AK4: variants seen among roughly 807,000 people sequenced by gnomAD.
AK4 encodes adenylate kinase 4, mitochondrial.
A neutral mutation model predicts 24.6 loss-of-function variants in AK4; 13 were observed. That is an observed-to-expected ratio of 0.53 (90% CI 0.34 to 0.84). The LOEUF (loss-of-function observed/expected upper bound fraction) is 0.84. AK4 is among the 40% of genes least tolerant of loss of function. The pLI is 0.01. For synonymous variants in AK4, 88 were observed against 107.0 expected, an observed-to-expected ratio of 0.82 and a Z score of 1.10; for missense variants, 192 against 288.2, an observed-to-expected ratio of 0.67 and a Z score of 2.42.
chr1:65,182,361 G>A (rs369525954), intron 1 of AK4, among the ~76,000 whole-genome samples: 11 of 152,130 alleles, frequency 7.2e-5, no homozygotes, highest in African/African-American at 2.7e-4. Flanking sequence ...TGGAATCGAG[G>A]TGATGATCTG....
At position 65,207,361 on chromosome 1, in the gene AK4, A is replaced by G. The variant is rs151243482; in HGVS notation, c.266-11393A>G. Reference sequence around the variant, plus strand: ...CTTTGGGGTCTTTTTCTATTAACCTATAAGCTTCCTGAGGGCAGGACCCAC... The same window carrying G: ...CTTTGGGGTCTTTTTCTATTAACCTGTAAGCTTCCTGAGGGCAGGACCCAC... On this transcript the variant is annotated intron_variant, in intron 2 of 4. Coordinates refer to ENST00000327299, the MANE Select transcript of AK4 (RefSeq NM_013410.4). 3.7e-3 allele frequency among the ~76,000 whole-genome samples: 556 copies of G among 152,034 alleles called. 4 individuals are homozygous for G. The highest frequency in any genetic ancestry group is 0.013 in the African/African-American group (528 of 41,470).
chr1:65,170,387 C>CAA (rs141885156), intron 1 of AK4, among the ~76,000 whole-genome samples: 12 of 147,098 alleles, frequency 8.2e-5, no homozygotes, highest in Admixed American at 1.3e-4. Context: ...CACACACACA[C>CAA]AAAAAAAATC....
At chr1:65,175,014 A>G (rs1650664722) in intron 1 of AK4, among the ~76,000 whole-genome samples, 1 of 152,212 alleles carries the variant, frequency 6.6e-6, no homozygotes, top group Non-Finnish European at 1.5e-5. Flanking sequence ...AGTGAAACAC[A>G]TTTTAAGAAT....
intron 2 of AK4, 70 bp from the exon 3 acceptor site, chr1:65,218,684 A>G (rs1652204166): frequency 1.4e-6 from 2 of 1,441,578 alleles, no homozygotes; most frequent in Admixed American, 5.0e-5. Context: ...TCTGTCACTG[A>G]AAATGTTTCA....
At chr1:65,150,111 C>T (rs1275423392) in intron 1 of AK4, among the ~76,000 whole-genome samples, 1 of 152,080 alleles carries the variant, frequency 6.6e-6, no homozygotes, top group East Asian at 1.9e-4. Flanking sequence ...TACTTGGTGA[C>T]TTGTTTCCTT....
chr1:65,199,924 A>G (rs1487885191), intron 2 of AK4, among the ~76,000 whole-genome samples: 2 of 152,204 alleles, frequency 1.3e-5, no homozygotes, highest in Admixed American at 6.5e-5. Flanking sequence ...AGATTTTCCT[A>G]TTAGAGATAC....
intron 1 of AK4, among the ~76,000 whole-genome samples, chr1:65,188,625 C>T (rs1451602012): frequency 6.6e-6 from 1 of 151,434 alleles, no homozygotes; most frequent in Non-Finnish European, 1.5e-5. Context: ...ACTACAGGCG[C>T]CTATCACCAC....
At chr1:65,162,660 G>GC (rs1452013358) in intron 1 of AK4, among the ~76,000 whole-genome samples, 2 of 151,790 alleles carry the variant, frequency 1.3e-5, no homozygotes, top group Non-Finnish European at 2.9e-5. Flanking sequence ...GGCTAACACG[G>GC]TGAAACACCA....
chr1:65,214,248 T>C (rs190764232), intron 2 of AK4, among the ~76,000 whole-genome samples: 23 of 152,282 alleles, frequency 1.5e-4, no homozygotes, highest in Non-Finnish European at 2.6e-4. Flanking sequence ...GTAGCTGAGA[T>C]TACAGGCGTG....
intron 2 of AK4, among the ~76,000 whole-genome samples, chr1:65,197,876 A>G (rs1271580966): frequency 6.6e-6 from 1 of 152,232 alleles, no homozygotes; most frequent in Non-Finnish European, 1.5e-5. Flanking sequence ...TGTCTATAGA[A>G]AAAAGCCAAC....
intron 1 of AK4, among the ~76,000 whole-genome samples, chr1:65,173,879 A>G (rs1650624803): frequency 6.7e-6 from 1 of 150,256 alleles, no homozygotes; most frequent in Admixed American, 6.6e-5. Flanking sequence ...AAAAAAATAG[A>G]CTACTTAGCT....
intron 1 of AK4, among the ~76,000 whole-genome samples, chr1:65,181,400 C>CTTT (rs111683862): frequency 7.0e-6 from 1 of 142,476 alleles, no homozygotes; most frequent in Non-Finnish European, 1.5e-5. Flanking sequence ...AGAATTAAGC[C>CTTT]TTTTTTTTTT....
intron 2 of AK4, among the ~76,000 whole-genome samples, chr1:65,209,985 T>C (rs1459017505): frequency 1.3e-5 from 2 of 152,106 alleles, no homozygotes; most frequent in Non-Finnish European, 2.9e-5. Flanking sequence ...TTTTAAATTA[T>C]TTTGTAGAGA....
In AK4 at chr1:65,190,742, A is replaced by G. The variant is rs1172686231; in HGVS notation, c.178A>G (p.Lys60Glu). 1 of 1,614,026 alleles carries G rather than the reference A, an allele frequency of 6.2e-7. No homozygotes were observed. The highest frequency in any genetic ancestry group is 8.5e-7 in the Non-Finnish European group (1 of 1,179,980). The change falls in exon 2 of 5, where the codon AAA becomes GAA. Residue 60 changes from lysine to glutamate, a missense_variant. Transcript: ENST00000327299. ...VGEMAKQYIE[K>E]SLLVPDHVIT... ...TGAGATGGCAAAGCAGTATATAGAGAAAAGTCTTTTGGTTCCAGACCATGT... is the reference window on the plus strand; with the variant it reads ...TGAGATGGCAAAGCAGTATATAGAGGAAAGTCTTTTGGTTCCAGACCATGT...
At chr1:65,195,616 T>C (rs1309924967) in intron 2 of AK4, among the ~76,000 whole-genome samples, 3 of 152,206 alleles carry the variant, frequency 2.0e-5, no homozygotes, top group African/African-American at 7.2e-5. Flanking sequence ...GAATCCCCGC[T>C]CTGCCACTTT....
Position 65,226,805 on chromosome 1 carries a change from C to CTTTTT in AK4, c.*634_*638dup, listed in dbSNP as rs1006943584. The CTTTTT allele has an allele frequency of 9.7e-5, 14 of 143,902 alleles. No homozygotes were observed. The highest frequency in any genetic ancestry group is 3.7e-4 in the African/African-American group (14 of 38,104). 8.9% of individuals were successfully genotyped at this position (143,902 alleles called of 1,614,324 possible). On this transcript the variant is annotated 3_prime_UTR_variant, in exon 5 of 5. Coordinates refer to ENST00000327299, the MANE Select transcript of AK4 (RefSeq NM_013410.4). ...GACATCCTGGGATGAAAGAATTTGGCTTTTTTTTTTCTTTTTTTTTTTGGA... is the reference window on the plus strand; with the variant it reads ...GACATCCTGGGATGAAAGAATTTGGCTTTTTTTTTTTTTTTCTTTTTTTTTTTGGA...
intron 3 of AK4, among the ~76,000 whole-genome samples, chr1:65,221,233 T>C (rs1397451829): frequency 6.6e-6 from 1 of 152,230 alleles, no homozygotes; most frequent in African/African-American, 2.4e-5. Flanking sequence ...TGGTAGATAG[T>C]ATTACTTGTT....
chr1:65,210,669 T>C (rs1651946594), intron 2 of AK4, among the ~76,000 whole-genome samples: 1 of 152,160 alleles, frequency 6.6e-6, no homozygotes, highest in Admixed American at 6.5e-5. Context: ...CATCCTTTTC[T>C]AAAAGCTCAA....
At chr1:65,215,830 T>G (rs555695766) in intron 2 of AK4, among the ~76,000 whole-genome samples, 39 of 152,312 alleles carry the variant, frequency 2.6e-4, no homozygotes, top group African/African-American at 7.9e-4. Flanking sequence ...ATTTGAGCTT[T>G]TATTTGTTGG....
Sources: gnomAD v4.1 joint callset for allele counts (sites outside exome capture counted in the v4.1 genomes callset) on GRCh38, gnomAD v4.1.1 for gene constraint, MANE v1.5 for transcripts, NCBI Gene and HGNC (gene_info 2026-07-23, HGNC 2026-07-21) for gene names.